Variants in LRRN2 observed in about 807,000 individuals in gnomAD.
LRRN2 encodes leucine rich repeat neuronal 2, also known as leucine-rich repeat neuronal protein 2.
LRRN2 carries 10 observed loss-of-function variants against 35.7 expected under a neutral mutation model. That is an observed-to-expected ratio of 0.28 (90% CI 0.17 to 0.47). The LOEUF (loss-of-function observed/expected upper bound fraction) is 0.47. Ranked by LOEUF, LRRN2 falls within the 20% of genes least tolerant of loss-of-function variation. LRRN2 has a pLI of 0.99. For missense variants in LRRN2, 731 were observed against 940.3 expected, an observed-to-expected ratio of 0.78 and a Z score of 2.91; for synonymous variants, 391 against 409.6, an observed-to-expected ratio of 0.95 and a Z score of 0.55.
At chr1:204,639,735 TC>T (rs1398164651) in intron 1 of LRRN2, among the ~76,000 whole-genome samples, 2 of 152,216 alleles carry the variant, frequency 1.3e-5, no homozygotes, top group African/African-American at 4.8e-5. Context: ...AAGGGCTTAC[TC>T]TCTGCCAGGC....
chr1:204,656,779 G>A (rs1042035636), intron 1 of LRRN2, among the ~76,000 whole-genome samples: 1 of 152,166 alleles, frequency 6.6e-6, no homozygotes, highest in African/African-American at 2.4e-5. Flanking sequence ...TTCCTGGCTT[G>A]TGGAATCTTC....
chr1:204,631,258 ATATAT>A (rs1558407643), intron 1 of LRRN2, among the ~76,000 whole-genome samples: 1,263 of 38,954 alleles, frequency 0.032, 181 homozygotes, highest in East Asian at 0.062. Context: ...AGAGTGTTCT[ATATAT>A]ATATATATAT....
chr1:204,673,578 C>T (rs755382679), intron 1 of LRRN2, among the ~76,000 whole-genome samples: 8 of 152,192 alleles, frequency 5.3e-5, no homozygotes, highest in Admixed American at 6.5e-5. Context: ...TTCCCACAAA[C>T]GCACAACAGA....
chr1:204,657,330 A>G (rs571386223), intron 1 of LRRN2, among the ~76,000 whole-genome samples: 3 of 96,124 alleles, frequency 3.1e-5, no homozygotes, highest in African/African-American at 1.1e-4. Context: ...GTGTCTATAT[A>G]TATGTATATA....
chr1:204,632,791 AG>A (rs991108378), intron 1 of LRRN2, among the ~76,000 whole-genome samples: 2 of 151,500 alleles, frequency 1.3e-5, no homozygotes, highest in Non-Finnish European at 2.9e-5. Flanking sequence ...AAAATTAGCC[AG>A]GCGTGGTGGC....
chr1:204,655,979 G>C (rs1273041636), intron 1 of LRRN2, among the ~76,000 whole-genome samples: 1 of 151,952 alleles, frequency 6.6e-6, no homozygotes, highest in Non-Finnish European at 1.5e-5. Context: ...GCGCGATCTC[G>C]GCTCACTGCA....
intron 1 of LRRN2, chr1:204,629,598 C>A: frequency 5.8e-6 from 1 of 170,970 alleles, no homozygotes; most frequent in Non-Finnish European, 1.2e-5. Flanking sequence ...TTGCATCTTC[C>A]TCATTTTCTC....
rs1375362525 is a variant in LRRN2, at chr1:204,665,723, G to A, written c.-227+19597C>T. Among the ~76,000 whole-genome samples, 13 of 152,172 alleles carry A rather than the reference G, an allele frequency of 8.5e-5. No individual in the cohort carries two copies. In the East Asian group the frequency reaches 2.1e-3, roughly 25 times the overall value. On this transcript the variant is annotated intron_variant, in intron 1 of 1. Coordinates refer to ENST00000367177, the MANE Select transcript of LRRN2 (RefSeq NM_201630.2). ...CTGCTCAAGCAAGCCCATCTCCTGG[G>A]CGCTGTGCCCAGGACAGAGACTAGT...
intron 1 of LRRN2, among the ~76,000 whole-genome samples, chr1:204,673,821 A>G (rs1449785894): frequency 6.6e-6 from 1 of 151,890 alleles, no homozygotes; most frequent in Non-Finnish European, 1.5e-5. Flanking sequence ...TACCCAAGTG[A>G]TCTGGCATTT....
intron 1 of LRRN2, among the ~76,000 whole-genome samples, chr1:204,668,019 G>T (rs1668608991): frequency 2.0e-5 from 3 of 152,166 alleles, no homozygotes; most frequent in Admixed American, 2.0e-4. Flanking sequence ...TCACTCTGTG[G>T]ACTCTCTGGG....
rs750372220 is a variant in LRRN2 at position 204,619,732 on chromosome 1, A to T, written c.261T>A (p.Ser87Arg). The change falls in exon 2 of 2, where the codon AGT becomes AGA. Residue 87 changes from serine (S) to arginine (R), a missense_variant. Coordinates refer to ENST00000367177, the MANE Select transcript of LRRN2 (RefSeq NM_201630.2). ...QSNSIVRVDQSELGYLANLTE... is the reference protein window; with the variant it reads ...QSNSIVRVDQRELGYLANLTE... ...TGAGATTGGCCAGGTAGCCCAGCTCACTCTGGTCCACACGGACAATGCTGT... is the reference window on the plus strand; with the variant it reads ...TGAGATTGGCCAGGTAGCCCAGCTCTCTCTGGTCCACACGGACAATGCTGT... 6.2e-7 allele frequency: 1 copy of T among 1,614,062 alleles called. No homozygotes were observed. Among genetic ancestry groups the T allele is most frequent in the Non-Finnish European group, 8.5e-7 (1 of 1,179,970 alleles).
intron 1 of LRRN2, among the ~76,000 whole-genome samples, chr1:204,653,104 T>C (rs1290806491): frequency 2.0e-5 from 3 of 152,230 alleles, no homozygotes; most frequent in Non-Finnish European, 4.4e-5. Context: ...AAGTGACTAG[T>C]ATTAGATGGT....
rs759418424 is a variant in LRRN2, at chr1:204,618,805, C to T, written c.1188G>A (p.Leu396=). ...GCTGGAGGTCCGGAGGCTCCGCACA[C>T]AGGGTGGATTGCGGCTCGATGAAGC... The part of the protein sequence containing the change: ...RVRFIEPQST[L]CAEPPDLQRL... Residue 396 remains leucine, a synonymous_variant, in exon 2 of 2, where the codon CTG becomes CTA. Coordinates refer to ENST00000367177, the MANE Select transcript of LRRN2 (RefSeq NM_201630.2). The T allele has an allele frequency of 1.5e-5, 25 of 1,613,998 alleles. No individual in the cohort carries two copies. The highest frequency in any genetic ancestry group is 1.9e-5 in the Non-Finnish European group (23 of 1,180,044).
At chr1:204,672,800 C>G (rs765950513) in intron 1 of LRRN2, among the ~76,000 whole-genome samples, 13 of 152,176 alleles carry the variant, frequency 8.5e-5, no homozygotes, top group Admixed American at 2.0e-4. Context: ...TGGTCACCGG[C>G]CCCCTCAAGC....
intron 1 of LRRN2, chr1:204,628,702 T>A (rs973092741): frequency 3.9e-5 from 6 of 152,178 alleles, no homozygotes; most frequent in Admixed American, 3.9e-4. Flanking sequence ...CTGTCCGATG[T>A]CAACTATAAG....
intron 1 of LRRN2, among the ~76,000 whole-genome samples, chr1:204,679,809 C>T (rs1668905940): frequency 6.6e-6 from 1 of 152,208 alleles, no homozygotes; most frequent in Admixed American, 6.5e-5. Flanking sequence ...CCATGTGGCC[C>T]CGAGGCACTT....
At chr1:204,676,138 C>CAG (rs1668818240) in intron 1 of LRRN2, among the ~76,000 whole-genome samples, 2 of 85,642 alleles carry the variant, frequency 2.3e-5, no homozygotes, top group African/African-American at 9.1e-5. Flanking sequence ...TTACATGGAG[C>CAG]CGTGTGTGTG....
At position 204,618,070 on chromosome 1, in the gene LRRN2, GAGA is replaced by G. The variant is rs767274950; in HGVS notation, c.1920_1922del (p.Leu642del). 6 of 1,613,938 alleles carry G rather than the reference GAGA, an allele frequency of 3.7e-6. No homozygotes were observed. Among genetic ancestry groups the G allele is most frequent in the Non-Finnish European group, 5.1e-6 (6 of 1,179,928 alleles). On this transcript the variant is annotated inframe_deletion, in exon 2 of 2. Coordinates refer to ENST00000367177, the MANE Select transcript of LRRN2 (RefSeq NM_201630.2). ...GGTGGGCCGCTAGCCCAGCTGCCAG[GAGA>G]AGGACAGCGAGAGCCAGGATGGCAA...
chr1:204,638,088 T>C (rs1456421552), intron 1 of LRRN2, among the ~76,000 whole-genome samples: 1 of 152,040 alleles, frequency 6.6e-6, no homozygotes, highest in East Asian at 1.9e-4. Flanking sequence ...CAACAGTGAT[T>C]GCCTGCTCTC....
Sources: allele counts gnomAD v4.1 joint callset (sites outside exome capture counted in the v4.1 genomes callset), GRCh38; gene constraint gnomAD v4.1.1; transcripts MANE v1.5; gene names NCBI Gene and HGNC (gene_info 2026-07-23, HGNC 2026-07-21).